Variants in CAST observed in about 807,000 individuals in gnomAD.
CAST encodes calpastatin.
CAST carries 76 observed loss-of-function variants against 119.6 expected under a neutral mutation model. The observed-to-expected ratio is 0.64, with a 90% CI of 0.53 to 0.77. The LOEUF is 0.77. Among genes scored for constraint, CAST ranks in the 30% least tolerant of loss-of-function variants. The probability of loss-of-function intolerance (pLI) is 0.00; values close to 1 mark genes in which losing one functional copy is unlikely to be tolerated. For synonymous variants in CAST, 319 were observed against 331.6 expected, an observed-to-expected ratio of 0.96 and a Z score of 0.41; for missense variants, 953 against 946.5, an observed-to-expected ratio of 1.01 and a Z score of -0.09.
the CAST span, among the ~76,000 whole-genome samples, chr5:96,458,429 G>A: frequency 2.0e-3 from 300 of 152,206 alleles, no homozygotes; most frequent in African/African-American, 6.9e-3. Flanking sequence ...TCATGAATCC[G>A]TAAAATTTAA....
At position 96,675,595 on chromosome 5, in the gene CAST, A is replaced by C. The variant is rs767682372; in HGVS notation, c.132A>C (p.Ser44=). 2.9e-5 allele frequency: 47 copies of C among 1,610,480 alleles called. No homozygotes were observed. In the South Asian group the frequency reaches 5.2e-4, roughly 18 times the overall value. ...CCAAACCAGGAGAAAAGAAAGGATC[A>C]GATGAGGTAATTTCCACAATACTGG... ...SPSKPGEKKG[S]DEKKAASLGS... The change falls in exon 2 of 32, where the codon TCA becomes TCC. Residue 44 remains serine, a synonymous_variant. Coordinates refer to ENST00000675179, the MANE Select transcript of CAST (RefSeq NM_001750.7).
the CAST span, among the ~76,000 whole-genome samples, chr5:96,273,424 A>G: frequency 1.7e-4 from 26 of 152,202 alleles, no homozygotes; most frequent in African/African-American, 3.1e-4. Context: ...GAGAAATAGA[A>G]TATCTAGAGA....
At chr5:96,135,115 G>A in the CAST span, among the ~76,000 whole-genome samples, 536 of 152,286 alleles carry the variant, frequency 3.5e-3, 7 homozygotes, top group African/African-American at 0.012. Context: ...GGACAGGCCA[G>A]GTTCCCTCCC....
the CAST span, among the ~76,000 whole-genome samples, chr5:96,466,989 C>G: frequency 3.9e-5 from 6 of 152,104 alleles, no homozygotes; most frequent in Non-Finnish European, 7.4e-5. Context: ...TACATCTTTG[C>G]AAAAGAATGT....
the CAST span, among the ~76,000 whole-genome samples, chr5:96,383,682 G>A: frequency 5.9e-5 from 9 of 152,142 alleles, no homozygotes; most frequent in Admixed American, 3.9e-4. Flanking sequence ...TCCTGACCTC[G>A]TGATCTGCCT....
the CAST span, among the ~76,000 whole-genome samples, chr5:96,293,372 G>A: frequency 1.3e-5 from 2 of 152,094 alleles, no homozygotes; most frequent in East Asian, 1.9e-4. Context: ...TCCACCTTCC[G>A]TTTCAAGTGA....
the CAST span, among the ~76,000 whole-genome samples, chr5:96,206,487 A>G: frequency 4.6e-5 from 7 of 151,916 alleles, no homozygotes; most frequent in African/African-American, 1.7e-4. Flanking sequence ...TGTATATGGT[A>G]TAAGAAAGGG....
rs2150730755 is a variant in CAST, at chr5:96,766,151, C to G, written c.2130+6C>G. On this transcript the variant is annotated splice_donor_region_variant and intron_variant, in intron 27 of 31. Transcript: ENST00000675179. ...TCCTGGATGATAATGGACAGGTAAACTGAGGCAAATTGCTAGATCGGATTT... is the reference window on the plus strand; with the variant it reads ...TCCTGGATGATAATGGACAGGTAAAGTGAGGCAAATTGCTAGATCGGATTT... 1 of 1,531,862 alleles carries G rather than the reference C, an allele frequency of 6.5e-7. No individual in the cohort carries two copies. The highest frequency in any genetic ancestry group is 9.0e-7 in the Non-Finnish European group (1 of 1,109,956). The allele number at this position is 1,531,862 out of a possible 1,614,324, so 94.9% of individuals were successfully genotyped here.
chr5:96,300,913 A>G, the CAST span, among the ~76,000 whole-genome samples: 1 of 148,434 alleles, frequency 6.7e-6, no homozygotes, highest in Admixed American at 6.8e-5. Flanking sequence ...GTTCACGTTA[A>G]TATAGAGAAA....
the CAST span, among the ~76,000 whole-genome samples, chr5:95,968,072 G>T: frequency 6.6e-6 from 1 of 152,220 alleles, no homozygotes; most frequent in East Asian, 1.9e-4. Context: ...TGGCTATAAG[G>T]TCTGAGGAAT....
the CAST span, among the ~76,000 whole-genome samples, chr5:96,116,439 T>A: frequency 6.6e-6 from 1 of 152,212 alleles, no homozygotes; most frequent in Admixed American, 6.5e-5. Flanking sequence ...TGTGGAAATA[T>A]GTTTTCATTT....
the CAST span, among the ~76,000 whole-genome samples, chr5:96,449,002 C>T: frequency 1.3e-5 from 2 of 152,196 alleles, no homozygotes; most frequent in Admixed American, 1.3e-4. Flanking sequence ...TCTCTGCCCT[C>T]CCCAGCCTGC....
chr5:96,767,110 G>A (rs945799948), intron 27 of CAST, among the ~76,000 whole-genome samples: 3 of 152,194 alleles, frequency 2.0e-5, no homozygotes, highest in Non-Finnish European at 4.4e-5. Flanking sequence ...TAAATAAGAT[G>A]TAAAAACACA....
chr5:95,965,216 G>C, the CAST span: 1 of 152,104 alleles, frequency 6.6e-6, no homozygotes, highest in Non-Finnish European at 1.5e-5. Flanking sequence ...ACATAAGGTG[G>C]CCCAATGTTG....
chr5:96,495,635 T>C, the CAST span, among the ~76,000 whole-genome samples: 4 of 152,228 alleles, frequency 2.6e-5, no homozygotes, highest in African/African-American at 7.2e-5. Context: ...CCATGGTGCA[T>C]ATGTGCCACA....
At chr5:96,173,857 C>T in the CAST span, among the ~76,000 whole-genome samples, 6 of 152,022 alleles carry the variant, frequency 3.9e-5, no homozygotes, top group Non-Finnish European at 7.4e-5. Flanking sequence ...TCTCCTGCCT[C>T]AGCCTCCCGA....
At chr5:96,594,625 C>G (rs189294180) in intron 1 of CAST, among the ~76,000 whole-genome samples, 1 of 152,178 alleles carries the variant, frequency 6.6e-6, no homozygotes, top group African/African-American at 2.4e-5. Context: ...AGATAACCTA[C>G]AGAAAACAAA....
chr5:96,556,701 G>T (rs1376611625), intron 1 of CAST, among the ~76,000 whole-genome samples: 1 of 152,096 alleles, frequency 6.6e-6, no homozygotes, highest in Non-Finnish European at 1.5e-5. Context: ...AAGAAATATG[G>T]GACTATGTGA....
chr5:96,093,847 AC>A, the CAST span, among the ~76,000 whole-genome samples: 1 of 152,204 alleles, frequency 6.6e-6, no homozygotes, highest in African/African-American at 2.4e-5. Flanking sequence ...GAGAGAAGAA[AC>A]TATTCAAAGT....
Sources: allele counts gnomAD v4.1 joint callset (sites outside exome capture counted in the v4.1 genomes callset), GRCh38; gene constraint gnomAD v4.1.1; transcripts MANE v1.5; gene names NCBI Gene and HGNC (gene_info 2026-07-23, HGNC 2026-07-21).